The following ZMAT3 variants were observed in gnomAD, a reference collection of about 807,000 sequenced individuals.
The protein encoded by ZMAT3 is zinc finger matrin-type protein 3.
Under a neutral mutation model 32.3 loss-of-function variants are expected in ZMAT3, and 17 were observed. That is an observed-to-expected ratio of 0.53 (90% CI 0.36 to 0.79). The LOEUF is 0.79. Among genes scored for constraint, ZMAT3 ranks in the 30% least tolerant of loss-of-function variants. The probability of loss-of-function intolerance (pLI) is 0.00; values close to 1 mark genes in which losing one functional copy is unlikely to be tolerated. For synonymous variants in ZMAT3, 120 were observed against 133.1 expected (o/e 0.90, Z 0.68); for missense variants, 329 against 359.7 (o/e 0.91, Z 0.69).
At chr3:179,036,212 G>T (rs1053860848) in intron 2 of ZMAT3, among the ~76,000 whole-genome samples, 3 of 152,182 alleles carry the variant, frequency 2.0e-5, no homozygotes, top group Non-Finnish European at 4.4e-5. Context: ...GGAGAGTCAA[G>T]GACAAAATCC....
chr3:179,053,497 CT>C (rs940712449), intron 2 of ZMAT3, among the ~76,000 whole-genome samples: 6 of 152,240 alleles, frequency 3.9e-5, no homozygotes, highest in African/African-American at 1.4e-4. Context: ...CTGACCAAAA[CT>C]ATGATGAGAA....
At position 179,022,352 on chromosome 3, in the gene ZMAT3, C is replaced by T. The variant is rs940154217; in HGVS notation, c.*2665G>A. ...ATGACATTTTTACAAAATATAAATT[C>T]ATGTTCGTATCTTCTACTGTTATTT... On this transcript the variant is annotated 3_prime_UTR_variant, in exon 6 of 6. Transcript: ENST00000311417. 1 of 152,052 alleles carries T rather than the reference C, an allele frequency of 6.6e-6. No individual in the cohort carries two copies. Among genetic ancestry groups the T allele is most frequent in the Non-Finnish European group, 1.5e-5 (1 of 68,004 alleles). 9.4% of individuals were successfully genotyped at this position (152,052 alleles called of 1,614,324 possible).
At chr3:179,035,908 C>T (rs535147899) in intron 2 of ZMAT3, among the ~76,000 whole-genome samples, 120 of 152,140 alleles carry the variant, frequency 7.9e-4, no homozygotes, top group African/African-American at 2.5e-3. Context: ...GTAAGCAATA[C>T]GGAAAAAGAA....
intron 2 of ZMAT3, among the ~76,000 whole-genome samples, chr3:179,034,560 A>T (rs921748663): frequency 1.1e-4 from 16 of 152,330 alleles, no homozygotes; most frequent in African/African-American, 3.8e-4. Context: ...AAATACCATG[A>T]GTAAGTTGGT....
In ZMAT3 at chr3:179,020,105, A is replaced by G. The variant is rs1472681323; in HGVS notation, c.*4912T>C. On this transcript the variant is annotated 3_prime_UTR_variant, in exon 6 of 6. Transcript: ENST00000311417. ...AAAAAAGACGTAGAACAGAATTCACACAGACCTTTGTTATTCCAAGCTCCT... is the reference window on the plus strand; with the variant it reads ...AAAAAAGACGTAGAACAGAATTCACGCAGACCTTTGTTATTCCAAGCTCCT... 1 of 152,230 alleles carries G rather than the reference A, an allele frequency of 6.6e-6. No individual in the cohort carries two copies. Among genetic ancestry groups the G allele is most frequent in the Non-Finnish European group, 1.5e-5 (1 of 68,024 alleles). 9.4% of individuals were successfully genotyped at this position (152,230 alleles called of 1,614,324 possible). A position where few individuals can be genotyped will look rare whatever the true frequency, so the allele number is the denominator to read the frequency against.
chr3:179,038,920 G>A (rs2108553082), intron 2 of ZMAT3, among the ~76,000 whole-genome samples: 1 of 152,370 alleles, frequency 6.6e-6, no homozygotes, highest in African/African-American at 2.4e-5. Flanking sequence ...CCCGTGCCTG[G>A]CTTGGCAGGT....
In ZMAT3 at chr3:179,024,892, G is replaced by T; in HGVS notation, c.*125C>A. The T allele has an allele frequency of 3.5e-6, 3 of 863,772 alleles. No individual in the cohort carries two copies. The highest frequency in any genetic ancestry group is 5.4e-6 in the Non-Finnish European group (3 of 554,436). The allele number at this position is 863,772 out of a possible 1,614,324, so 53.5% of individuals were successfully genotyped here. On this transcript the variant is annotated 3_prime_UTR_variant, in exon 6 of 6. Transcript: ENST00000311417. ...GGTTTTGACATCTCATGGTACCACTGTGGGTTACATGTATTAACATTAAGC... is the reference window on the plus strand; with the variant it reads ...GGTTTTGACATCTCATGGTACCACTTTGGGTTACATGTATTAACATTAAGC...
chr3:179,035,310 T>C (rs1316620552), intron 2 of ZMAT3, among the ~76,000 whole-genome samples: 2 of 152,234 alleles, frequency 1.3e-5, no homozygotes, highest in African/African-American at 2.4e-5. Flanking sequence ...CCCTGCTCAT[T>C]ATGCTCCTGG....
At chr3:179,042,778 C>T (rs1308980117) in intron 2 of ZMAT3, among the ~76,000 whole-genome samples, 1 of 152,178 alleles carries the variant, frequency 6.6e-6, no homozygotes, top group African/African-American at 2.4e-5. Context: ...AAGAGGAAGT[C>T]AAATTGTCCC....
intron 5 of ZMAT3, among the ~76,000 whole-genome samples, chr3:179,026,049 A>G (rs1718849303): frequency 6.6e-6 from 1 of 152,190 alleles, no homozygotes; most frequent in Non-Finnish European, 1.5e-5. Flanking sequence ...ATATATTTTC[A>G]TTACTGTTTC....
intron 2 of ZMAT3, among the ~76,000 whole-genome samples, chr3:179,031,922 AAACTCTCCCTCTC>A (rs1560085523): frequency 4.0e-5 from 2 of 49,782 alleles, no homozygotes; most frequent in African/African-American, 8.1e-5. Context: ...AAAAAAAAAA[AAACTCTCCCTCTC>A]CCTCCCCCTC....
At chr3:179,048,134 G>T (rs1485240531) in intron 2 of ZMAT3, among the ~76,000 whole-genome samples, 1 of 152,164 alleles carries the variant, frequency 6.6e-6, no homozygotes, top group East Asian at 1.9e-4. Context: ...TTTAAAAAAT[G>T]AACAAAGCCT....
intron 2 of ZMAT3, among the ~76,000 whole-genome samples, chr3:179,054,774 C>T (rs576503623): frequency 1.2e-4 from 19 of 152,186 alleles, no homozygotes; most frequent in Non-Finnish European, 2.1e-4. Context: ...TCCATGCCTC[C>T]GGATCCAGCA....
At chr3:179,034,634 TCATCCATA>T (rs1216899301) in intron 2 of ZMAT3, among the ~76,000 whole-genome samples, 1 of 152,186 alleles carries the variant, frequency 6.6e-6, no homozygotes, top group Admixed American at 6.5e-5. Flanking sequence ...TTCCTCCTGG[TCATCCATA>T]CTTTCACGTC....
At chr3:179,056,231 G>A (rs573072511) in intron 2 of ZMAT3, among the ~76,000 whole-genome samples, 30 of 152,070 alleles carry the variant, frequency 2.0e-4, no homozygotes, top group African/African-American at 6.5e-4. Flanking sequence ...CCTTAGGCCC[G>A]GAGCAGAACT....
intron 2 of ZMAT3, 125 bp downstream of exon 2, chr3:179,067,358 G>T: frequency 9.9e-7 from 1 of 1,009,450 alleles, no homozygotes; most frequent in Non-Finnish European, 1.5e-6. Context: ...CAAATTCATA[G>T]TTAGTTGTTC....
At chr3:179,061,805 T>C (rs1721165943) in intron 2 of ZMAT3, among the ~76,000 whole-genome samples, 1 of 152,174 alleles carries the variant, frequency 6.6e-6, no homozygotes, top group Admixed American at 6.5e-5. Context: ...CCACTCATAA[T>C]AGTGCAAAAT....
In ZMAT3 at chr3:179,067,819, C is replaced by T. The variant is rs919305516; in HGVS notation, c.-57-10G>A. 2.6e-6 allele frequency: 4 copies of T among 1,558,312 alleles called. No homozygotes were observed. The highest frequency in any genetic ancestry group is 1.4e-5 in the African/African-American group (1 of 72,126). ...AGCAAGGTCTTCAAATCTGAATCAACAGCAAAAAAACAGAAAAAAAAACTC... is the reference window on the plus strand; with the variant it reads ...AGCAAGGTCTTCAAATCTGAATCAATAGCAAAAAAACAGAAAAAAAAACTC... On this transcript the variant is annotated splice_polypyrimidine_tract_variant and intron_variant, in intron 1 of 5. Transcript: ENST00000311417.
chr3:179,030,865 A>C lies in ZMAT3; in HGVS notation c.390+15T>G, dbSNP rs908873186. ...TCCACCCTAATGCTGCTTCACCCTG[A>C]CACACATGTCTCACCTGCGGAGGGA... On this transcript the variant is annotated intron_variant, in intron 3 of 5. Transcript: ENST00000311417. 1.2e-6 allele frequency: 2 copies of C among 1,605,778 alleles called. No individual in the cohort carries two copies. Among genetic ancestry groups the C allele is most frequent in the South Asian group, 2.2e-5 (2 of 89,012 alleles).
Sources: gnomAD v4.1 joint callset for allele counts (sites outside exome capture counted in the v4.1 genomes callset) on GRCh38, gnomAD v4.1.1 for gene constraint, MANE v1.5 for transcripts, NCBI Gene and HGNC (gene_info 2026-07-23, HGNC 2026-07-21) for gene names.